Variants in ARHGEF33 observed in about 807,000 individuals in gnomAD.
The protein encoded by ARHGEF33 is DH and coiled-coil domain-containing protein ENSP00000381780.
ARHGEF33 carries 72 observed loss-of-function variants against 101.9 expected under a neutral mutation model. That is an observed-to-expected ratio of 0.71 (90% CI 0.58 to 0.86). The LOEUF (loss-of-function observed/expected upper bound fraction) is 0.86. Ranked by LOEUF, ARHGEF33 falls within the 40% of genes least tolerant of loss-of-function variation. The pLI, the probability that ARHGEF33 is intolerant of heterozygous loss-of-function variation, is 0.00. For synonymous variants in ARHGEF33, 499 were observed against 442.5 expected, an observed-to-expected ratio of 1.13 and a Z score of -1.60; for missense variants, 1,169 against 1,111.3, an observed-to-expected ratio of 1.05 and a Z score of -0.74.
chr2:38,896,079 G>A lies in ARHGEF33; in HGVS notation c.-86+230G>A, dbSNP rs148882746. 5.9e-3 allele frequency among the ~76,000 whole-genome samples: 898 copies of A among 152,292 alleles called. 8 individuals are homozygous for A. Among genetic ancestry groups the A allele is most frequent in the African/African-American group, 0.021 (855 of 41,556 alleles). ...AAACCAGCTATGTTACATCAGACTT[G>A]ATTGCGTATATGAATGCTAACAGCA... On this transcript the variant is annotated intron_variant, in intron 2 of 17. Transcript: ENST00000409978.
At chr2:38,902,079 C>T (rs1666256832) in intron 2 of ARHGEF33, among the ~76,000 whole-genome samples, 1 of 150,064 alleles carries the variant, frequency 6.7e-6, no homozygotes, top group Non-Finnish European at 1.5e-5. Context: ...CGCGCCACTG[C>T]ACTCCAGCTT....
intron 1 of ARHGEF33, among the ~76,000 whole-genome samples, chr2:38,894,423 G>GA (rs55794947): frequency 0.9 from 132,625 of 147,648 alleles, 60,647 homozygotes; most frequent in East Asian, 0.99. Context: ...TATGCTGGGG[G>GA]AAAAAAAAAA....
intron 2 of ARHGEF33, among the ~76,000 whole-genome samples, chr2:38,897,589 A>G (rs1666149040): frequency 1.3e-5 from 2 of 152,224 alleles, no homozygotes; most frequent in Non-Finnish European, 2.9e-5. Context: ...TTTCCCAGTA[A>G]GAAAATGAAC....
intron 2 of ARHGEF33, among the ~76,000 whole-genome samples, chr2:38,897,877 A>G (rs1324400239): frequency 6.6e-6 from 1 of 152,216 alleles, no homozygotes; most frequent in Non-Finnish European, 1.5e-5. Flanking sequence ...CAGAGGGAAC[A>G]GCCCCAGAGG....
chr2:38,951,314 C>T (rs1572770990), intron 11 of ARHGEF33, among the ~76,000 whole-genome samples, 193 bp downstream of exon 11: 1 of 152,136 alleles, frequency 6.6e-6, no homozygotes, highest in South Asian at 2.1e-4. Context: ...TGAAATCACC[C>T]CGCTAGCTAG....
chr2:38,937,479 A>G lies in ARHGEF33; in HGVS notation c.710A>G (p.Asp237Gly). The change falls in exon 9 of 18, where the codon GAC (aspartate) becomes GGC (glycine). Residue 237 changes from aspartate to glycine, a missense_variant. Transcript: ENST00000409978. ...KEWGEEYVTK[D>G]HPDKLKEAGQ... The stretch of plus-strand genomic sequence containing the variant: ...TGGGGTGAAGAATACGTCACAAAAG[A>G]CCACCCAGATAAACTCAAGGAGGCT... 1 of 1,551,118 alleles carries G rather than the reference A, an allele frequency of 6.4e-7. No homozygotes were observed. Among genetic ancestry groups the G allele is most frequent in the Admixed American group, 2.0e-5 (1 of 50,982 alleles).
intron 11 of ARHGEF33, among the ~76,000 whole-genome samples, chr2:38,952,786 C>T (rs1259587954): frequency 2.0e-5 from 3 of 151,962 alleles, no homozygotes; most frequent in Non-Finnish European, 4.4e-5. Context: ...GCAAGCTCTG[C>T]CTCCCGGGTT....
At chr2:38,940,420 T>A (rs555085216) in intron 9 of ARHGEF33, among the ~76,000 whole-genome samples, 1 of 151,712 alleles carries the variant, frequency 6.6e-6, no homozygotes. Context: ...CAAGCCACTA[T>A]GCCCAGCCAT....
rs1666704565 is a variant in ARHGEF33, at chr2:38,919,274, C to A, written c.-85-89C>A. ...AATTGCATGTACCTCAAGCTGTGTT[C>A]ATTTCAATTTTTTTACTAATGTAAG... On this transcript the variant is annotated intron_variant, in intron 2 of 17. Transcript: ENST00000409978. 12 of 614,278 alleles carry A rather than the reference C, an allele frequency of 2.0e-5. No homozygotes were observed. The East Asian group carries it at 2.8e-4, about 14-fold the overall frequency. 38.1% of individuals were successfully genotyped at this position (614,278 alleles called of 1,614,324 possible).
chr2:38,914,496 A>C (rs1666587393), intron 2 of ARHGEF33, among the ~76,000 whole-genome samples: 1 of 152,012 alleles, frequency 6.6e-6, no homozygotes, highest in South Asian at 2.1e-4. Context: ...GGTGAAACCC[A>C]TCCCTACTAA....
chr2:38,953,261 A>T lies in ARHGEF33; in HGVS notation c.1137+16A>T, dbSNP rs1356468544. ...CCTGAAAGAGGTGAGTTAACGCCAT[A>T]TATATGCTATCCTTCATCTGCACAT... is the stretch of plus-strand genomic sequence containing the variant. On this transcript the variant is annotated intron_variant, in intron 12 of 17. Transcript: ENST00000409978. 16 of 1,384,016 alleles carry T rather than the reference A, an allele frequency of 1.2e-5. No individual in the cohort carries two copies. In the Admixed American group the frequency reaches 3.2e-4, roughly 27 times the overall value. 85.7% of individuals were successfully genotyped at this position (1,384,016 alleles called of 1,614,324 possible). A position where few individuals can be genotyped will look rare whatever the true frequency, so the allele number is the denominator to read the frequency against.
At chr2:38,914,415 C>G (rs1341019369) in intron 2 of ARHGEF33, among the ~76,000 whole-genome samples, 1 of 152,172 alleles carries the variant, frequency 6.6e-6, no homozygotes, top group Non-Finnish European at 1.5e-5. Context: ...CGCCTGTAAT[C>G]CCAGTACTTT....
chr2:38,901,140 CTTTT>C (rs1050199059), intron 2 of ARHGEF33, among the ~76,000 whole-genome samples: 1 of 152,084 alleles, frequency 6.6e-6, no homozygotes, highest in East Asian at 1.9e-4. Flanking sequence ...GCATTTCTTT[CTTTT>C]TATTTATTTA....
At chr2:38,972,927 C>T (rs1668197900) in intron 17 of ARHGEF33, 1 of 152,208 alleles carries the variant, frequency 6.6e-6, no homozygotes, top group Non-Finnish European at 1.5e-5. Context: ...TAGTTTTACC[C>T]ATTCTAGGTC....
intron 6 of ARHGEF33, among the ~76,000 whole-genome samples, chr2:38,930,438 C>G (rs1193961999): frequency 6.6e-6 from 1 of 151,440 alleles, no homozygotes; most frequent in Non-Finnish European, 1.5e-5. Flanking sequence ...GCCTTGAACT[C>G]CTGGGCTCAA....
At chr2:38,949,518 G>A (rs1186726232) in intron 10 of ARHGEF33, among the ~76,000 whole-genome samples, 5 of 151,228 alleles carry the variant, frequency 3.3e-5, no homozygotes, top group Non-Finnish European at 5.9e-5. Flanking sequence ...CTTCTCTGAC[G>A]TCTCCCTTCT....
intron 7 of ARHGEF33, among the ~76,000 whole-genome samples, chr2:38,931,872 C>T (rs534838775): frequency 9.5e-4 from 144 of 152,272 alleles, no homozygotes; most frequent in African/African-American, 2.8e-3. Flanking sequence ...TAGATATTAA[C>T]GTTGTTTAGA....
intron 2 of ARHGEF33, among the ~76,000 whole-genome samples, chr2:38,917,548 G>A (rs1572746666): frequency 6.6e-6 from 1 of 151,970 alleles, no homozygotes; most frequent in African/African-American, 2.4e-5. Context: ...TTTCCTGTGC[G>A]GCCAGGCATA....
In ARHGEF33 at chr2:38,912,007, C is replaced by T. The variant is rs1666519052; in HGVS notation, c.-85-7356C>T. 2.0e-5 allele frequency among the ~76,000 whole-genome samples: 3 copies of T among 152,344 alleles called. No individual in the cohort carries two copies. The South Asian group carries it at 6.2e-4, about 32-fold the overall frequency. On this transcript the variant is annotated intron_variant, in intron 2 of 17. Coordinates refer to ENST00000409978, the MANE Select transcript of ARHGEF33 (RefSeq NM_001145451.5). ...CCCTACCAGCTTGGTGGCTTCCTCT[C>T]TCCACTCAAGACAGACTCAAGAAAG...
Sources: gnomAD v4.1 joint callset for allele counts (sites outside exome capture counted in the v4.1 genomes callset) on GRCh38, gnomAD v4.1.1 for gene constraint, MANE v1.5 for transcripts, NCBI Gene and HGNC (gene_info 2026-07-23, HGNC 2026-07-21) for gene names.